The following SYT14 variants were observed in gnomAD, a reference collection of about 807,000 sequenced individuals.
The protein encoded by SYT14 is synaptotagmin 14.
SYT14 carries 32 observed loss-of-function variants against 74.2 expected under a neutral mutation model. The observed-to-expected ratio is 0.43, with a 90% CI of 0.33 to 0.58. The LOEUF is 0.58. Among genes scored for constraint, SYT14 ranks in the 20% least tolerant of loss-of-function variants. The pLI, the probability that SYT14 is intolerant of heterozygous loss-of-function variation, is 0.05. For synonymous variants in SYT14, 298 were observed against 337.7 expected (o/e 0.88, Z 1.29); for missense variants, 791 against 981.8 (o/e 0.81, Z 2.60).
chr1:210,066,408 T>C (rs1246809678), intron 5 of SYT14, among the ~76,000 whole-genome samples: 2 of 152,236 alleles, frequency 1.3e-5, no homozygotes, highest in Non-Finnish European at 2.9e-5. Context: ...GACTTTTTAA[T>C]GATTGCCATT....
intron 2 of SYT14, among the ~76,000 whole-genome samples, chr1:210,011,790 G>A (rs2080091228): frequency 6.6e-6 from 1 of 152,154 alleles, no homozygotes; most frequent in South Asian, 2.1e-4. Context: ...AGGAAGAAAA[G>A]TAGATTATAC....
intron 7 of SYT14, among the ~76,000 whole-genome samples, chr1:210,153,435 T>C (rs2083207681): frequency 6.6e-6 from 1 of 152,358 alleles, no homozygotes; most frequent in East Asian, 1.9e-4. Flanking sequence ...ACAGTTTATA[T>C]AGTACTTTTT....
chr1:210,141,908 CT>C (rs997283495), intron 7 of SYT14, among the ~76,000 whole-genome samples: 2 of 152,200 alleles, frequency 1.3e-5, no homozygotes, highest in African/African-American at 2.4e-5. Flanking sequence ...TGCCTTAGAA[CT>C]TTTCAGAGAT....
chr1:210,088,653 C>T (rs2081793441), intron 5 of SYT14, among the ~76,000 whole-genome samples: 1 of 151,882 alleles, frequency 6.6e-6, no homozygotes, highest in African/African-American at 2.4e-5. Context: ...TACTATGCAG[C>T]CATAAAAAAG....
At chr1:209,964,824 T>A (rs928379545) in intron 2 of SYT14, among the ~76,000 whole-genome samples, 2 of 151,870 alleles carry the variant, frequency 1.3e-5, no homozygotes, top group Non-Finnish European at 2.9e-5. Flanking sequence ...CAAAAAAAAA[T>A]GCAGATTTCC....
intron 7 of SYT14, among the ~76,000 whole-genome samples, chr1:210,109,592 AGAG>A (rs1049058315): frequency 2.8e-5 from 4 of 140,604 alleles, no homozygotes; most frequent in African/African-American, 1.1e-4. Flanking sequence ...AAAAAAAAAG[AGAG>A]AAAAAACAAA....
chr1:209,943,147 G>T (rs2078763735), intron 1 of SYT14, among the ~76,000 whole-genome samples: 1 of 152,098 alleles, frequency 6.6e-6, no homozygotes, highest in South Asian at 2.1e-4. Flanking sequence ...GTTTATTCAA[G>T]GTTACTTTTC....
intron 2 of SYT14, chr1:209,953,243 A>G (rs1262720290): frequency 7.8e-7 from 1 of 1,287,132 alleles, no homozygotes; most frequent in Non-Finnish European, 1.0e-6. Flanking sequence ...TGGTTCAACA[A>G]AGTGGCCCCA....
exon 10 of SYT14, chr1:210,170,557 G>A (rs2083513927): frequency 6.6e-6 from 1 of 151,650 alleles, no homozygotes; most frequent in African/African-American, 2.4e-5. Flanking sequence ...ATTTTGTGTG[G>A]GTTAAAAGTT....
At chr1:210,097,122 T>A (rs533870421) in intron 6 of SYT14, among the ~76,000 whole-genome samples, 2 of 152,236 alleles carry the variant, frequency 1.3e-5, no homozygotes, top group Non-Finnish European at 2.9e-5. Context: ...CAGAAATATT[T>A]AGATGTGAAT....
At chr1:210,012,689 C>T (rs2080108152) in intron 2 of SYT14, among the ~76,000 whole-genome samples, 1 of 151,626 alleles carries the variant, frequency 6.6e-6, no homozygotes, top group African/African-American at 2.4e-5. Flanking sequence ...TCAGATATAA[C>T]CTTTTTCTTT....
chr1:210,152,818 G>A (rs563338210), intron 7 of SYT14, among the ~76,000 whole-genome samples: 1 of 152,106 alleles, frequency 6.6e-6, no homozygotes, highest in South Asian at 2.1e-4. Context: ...AATACATCGG[G>A]AACATAATGG....
At chr1:210,171,107 A>G (rs2083521143) in exon 10 of SYT14, 1 of 152,154 alleles carries the variant, frequency 6.6e-6, no homozygotes, top group Non-Finnish European at 1.5e-5. Flanking sequence ...TAGTTTGTTG[A>G]TTTTTAATTC....
chr1:209,946,095 C>T (rs1173591702), intron 1 of SYT14, among the ~76,000 whole-genome samples: 1 of 152,150 alleles, frequency 6.6e-6, no homozygotes, highest in Non-Finnish European at 1.5e-5. Context: ...AGATGGCAAA[C>T]TTAGTTGATA....
At position 210,016,386 on chromosome 1, in the gene SYT14, C is replaced by T. The variant is rs1380780884; in HGVS notation, c.383C>T (p.Thr128Ile). ...AAACATGTTAATGATAGGCAACAAA[C>T]TCTATCAGAATATCAAGACACTGGT... Residue 128 changes from threonine to isoleucine, a missense_variant, in exon 4 of 10, where the codon ACT (threonine) becomes ATT (isoleucine). Coordinates refer to ENST00000637265, the Ensembl canonical transcript of SYT14. The T allele has an allele frequency of 2.4e-5, 30 of 1,231,960 alleles. No individual in the cohort carries two copies. In the East Asian group the frequency reaches 5.1e-4, roughly 21 times the overall value. The allele number at this position is 1,231,960 out of a possible 1,614,324, so 76.3% of individuals were successfully genotyped here.
At chr1:210,046,512 C>G (rs1030973072) in intron 5 of SYT14, among the ~76,000 whole-genome samples, 2 of 152,048 alleles carry the variant, frequency 1.3e-5, no homozygotes, top group Admixed American at 6.5e-5. Context: ...TCTGCCATGC[C>G]TATTTACAGT....
chr1:210,080,495 A>G (rs112557902), intron 5 of SYT14, among the ~76,000 whole-genome samples: 14 of 152,224 alleles, frequency 9.2e-5, no homozygotes, highest in African/African-American at 2.9e-4. Context: ...AACAGAAAAT[A>G]TAGTGTGAGT....
At chr1:209,974,697 T>C (rs890927080) in intron 2 of SYT14, among the ~76,000 whole-genome samples, 3 of 152,114 alleles carry the variant, frequency 2.0e-5, no homozygotes, top group Admixed American at 6.6e-5. Context: ...CAATGCGGGC[T>C]CTTTTTTGGT....
intron 3 of SYT14, among the ~76,000 whole-genome samples, chr1:210,015,036 T>A (rs1202046210): frequency 3.3e-5 from 5 of 150,810 alleles, no homozygotes; most frequent in Non-Finnish European, 7.4e-5. Context: ...TTTATTTTTT[T>A]AAAAAAACAA....
Sources: allele counts gnomAD v4.1 joint callset (sites outside exome capture counted in the v4.1 genomes callset), GRCh38; gene constraint gnomAD v4.1.1; transcripts MANE v1.5; gene names NCBI Gene and HGNC (gene_info 2026-07-23, HGNC 2026-07-21).